The following FCGRT variants were observed in gnomAD, a reference collection of about 807,000 sequenced individuals.
The protein encoded by FCGRT is IgG receptor FcRn large subunit p51.
Under a neutral mutation model 35.7 loss-of-function variants are expected in FCGRT, and 13 were observed. That is an observed-to-expected ratio of 0.36 (90% confidence interval 0.24 to 0.58). The LOEUF (loss-of-function observed/expected upper bound fraction) is 0.58, where lower values mean the gene tolerates loss of function less well. FCGRT is among the 20% of genes least tolerant of loss of function. The pLI, the probability that FCGRT is intolerant of heterozygous loss-of-function variation, is 0.77. For missense variants in FCGRT, 455 were observed against 474.9 expected (o/e 0.96, Z 0.39); for synonymous variants, 233 against 216.5 (o/e 1.08, Z -0.67).
intron 4 of FCGRT, among the ~76,000 whole-genome samples, chr19:49,518,699 A>G (rs1183539341): frequency 6.6e-6 from 1 of 151,822 alleles, no homozygotes; most frequent in Non-Finnish European, 1.5e-5. Context: ...ACGCCCTGCT[A>G]ATTTTTTGTA....
chr19:49,513,137 G>T (rs2079983170), intron 1 of FCGRT: 4 of 298,992 alleles, frequency 1.3e-5, no homozygotes, highest in Non-Finnish European at 1.8e-5. Flanking sequence ...GGGGCCTGAG[G>T]GGGGCGGAAG....
chr19:49,525,610 G>T (rs777883975), intron 6 of FCGRT, 37 bp downstream of exon 6: 1 of 1,430,006 alleles, frequency 7.0e-7, no homozygotes, highest in East Asian at 2.3e-5. Flanking sequence ...CTGAGAGAGG[G>T]ACAGAGACCC....
chr19:49,519,752 G>A (rs1192188936), intron 4 of FCGRT, among the ~76,000 whole-genome samples: 1 of 151,914 alleles, frequency 6.6e-6, no homozygotes, highest in African/African-American at 2.4e-5. Context: ...CACTGGATTC[G>A]GGTGTTGTTA....
At chr19:49,516,884 A>G (rs185842574) in intron 4 of FCGRT, among the ~76,000 whole-genome samples, 37 of 152,218 alleles carry the variant, frequency 2.4e-4, no homozygotes, top group Non-Finnish European at 4.1e-4. Context: ...AACCACACTT[A>G]AGTAGAAACA....
At position 49,525,586 on chromosome 19, in the gene FCGRT, G is replaced by A. The variant is rs758129958; in HGVS notation, c.988+13G>A. 3 of 1,561,222 alleles carry A rather than the reference G, an allele frequency of 1.9e-6. No individual in the cohort carries two copies. The highest frequency in any genetic ancestry group is 2.2e-5 in the East Asian group (1 of 44,612). On this transcript the variant is annotated intron_variant, in intron 6 of 6. Transcript: ENST00000221466. ...AGTGGGCTGCCAGGTGGGGGGCAGC[G>A]GGAGGAAGAGCCTCTGAGAGAGGGA...
At position 49,525,540 on chromosome 19, in the gene FCGRT, C is replaced by T. The variant is rs1248119064; in HGVS notation, c.955C>T (p.Leu319=). 5 of 1,613,262 alleles carry T rather than the reference C, an allele frequency of 3.1e-6. No homozygotes were observed. Among genetic ancestry groups the T allele is most frequent in the Non-Finnish European group, 4.2e-6 (5 of 1,179,876 alleles). Residue 319 remains leucine, a synonymous_variant, in exon 6 of 7, where the codon CTG becomes TTG. Transcript: ENST00000221466. ...LLTAAAVGGA[L]LWRRMRSGLP... is the part of the protein sequence containing the mutation. ...CACGGCAGCGGCTGTAGGAGGAGCT[C>T]TGTTGTGGAGAAGGATGAGGAGTGG...
chr19:49,513,528 C>T lies in FCGRT; in HGVS notation c.73+55C>T, dbSNP rs954954731. ...TGCAGGCGGGCGGCGGGAGGCGGCC[C>T]CAGGCAGGCAGGGGCGAAGCCAGCG... On this transcript the variant is annotated intron_variant, in intron 2 of 6. Transcript: ENST00000221466. The T allele has an allele frequency of 2.1e-4, 232 of 1,102,050 alleles. No individual in the cohort carries two copies. The African/African-American group carries it at 2.8e-3, about 14-fold the overall frequency. The allele number at this position is 1,102,050 out of a possible 1,614,324, so 68.3% of individuals were successfully genotyped here.
chr19:49,513,892 C>T lies in FCGRT; in HGVS notation c.84C>T (p.Leu28=), dbSNP rs751819145. The stretch of plus-strand genomic sequence containing the variant: ...TGTTTCTGTCTGCAGAAAGCCACCT[C>T]TCCCTCCTGTACCACCTTACCGCGG... The part of the protein sequence containing the change: ...LPGSLGAESH[L]SLLYHLTAVS... Residue 28 remains leucine, a synonymous_variant, in exon 3 of 7, where the codon CTC becomes CTT. Transcript: ENST00000221466. 6 of 1,599,516 alleles carry T rather than the reference C, an allele frequency of 3.8e-6. No homozygotes were observed. The highest frequency in any genetic ancestry group is 5.1e-6 in the Non-Finnish European group (6 of 1,171,480).
Position 49,525,283 on chromosome 19 carries a change from C to T in FCGRT, c.872-174C>T, listed in dbSNP as rs528598776. The T allele has an allele frequency of 3.1e-5, 20 of 643,396 alleles. No individual in the cohort carries two copies. The East Asian group carries it at 3.9e-4, about 13-fold the overall frequency. The allele number at this position is 643,396 out of a possible 1,614,324, so 39.9% of individuals were successfully genotyped here. On this transcript the variant is annotated intron_variant, in intron 5 of 6. Coordinates refer to ENST00000221466, the MANE Select transcript of FCGRT (RefSeq NM_001136019.3). ...CCGCTCGTGCTGTAGCTGGTTCTTACGTCCAACCTGGGGGCAGTCTGCCCA... is the reference window on the plus strand; with the variant it reads ...CCGCTCGTGCTGTAGCTGGTTCTTATGTCCAACCTGGGGGCAGTCTGCCCA...
At chr19:49,525,735 G>A (rs1051021894) in intron 6 of FCGRT, among the ~76,000 whole-genome samples, 162 bp downstream of exon 6, 2 of 151,520 alleles carry the variant, frequency 1.3e-5, no homozygotes, top group African/African-American at 4.9e-5. Flanking sequence ...AGAGAGAGGG[G>A]GACGGAGACA....
At position 49,513,247 on chromosome 19, in the gene FCGRT, C is replaced by A. The variant is rs1259007230; in HGVS notation, c.-14-140C>A. Reference sequence around the variant, plus strand: ...TTCAGGGGTGAAAGTTCTTCAGGTACGAGGAGGGCATTGTTGTCAGTCTGG... The same window carrying A: ...TTCAGGGGTGAAAGTTCTTCAGGTAAGAGGAGGGCATTGTTGTCAGTCTGG... On this transcript the variant is annotated intron_variant, in intron 1 of 6. Coordinates refer to ENST00000221466, the MANE Select transcript of FCGRT (RefSeq NM_001136019.3). 3 of 399,384 alleles carry A rather than the reference C, an allele frequency of 7.5e-6. No homozygotes were observed. The East Asian group carries it at 1.1e-4, about 14-fold the overall frequency. The allele number at this position is 399,384 out of a possible 1,614,324, so 24.7% of individuals were successfully genotyped here. A position where few individuals can be genotyped will look rare whatever the true frequency, so the allele number is the denominator to read the frequency against.
intron 2 of FCGRT, 81 bp from the exon 3 acceptor site, chr19:49,513,801 C>G: frequency 7.5e-6 from 7 of 930,896 alleles, no homozygotes; most frequent in South Asian, 1.7e-5. Flanking sequence ...ATAATAGATT[C>G]TTCTCCCTCC....
chr19:49,523,855 A>T (rs1490757397), intron 4 of FCGRT, among the ~76,000 whole-genome samples: 9 of 139,702 alleles, frequency 6.4e-5, no homozygotes, highest in Non-Finnish European at 6.2e-5. Flanking sequence ...GCAAGATTCC[A>T]TCTCAAAAAA....
intron 4 of FCGRT, among the ~76,000 whole-genome samples, chr19:49,517,416 G>A (rs1040217427): frequency 4.6e-5 from 7 of 151,874 alleles, no homozygotes; most frequent in East Asian, 1.9e-4. Flanking sequence ...ACTTGATCCC[G>A]GGAAGCAGAG....
Position 49,514,041 on chromosome 19 carries a change from A to T in FCGRT, c.233A>T (p.Asn78Ile). The T allele has an allele frequency of 6.2e-7, 1 of 1,612,036 alleles. No individual in the cohort carries two copies. Among genetic ancestry groups the T allele is most frequent in the Non-Finnish European group, 8.5e-7 (1 of 1,179,996 alleles). Residue 78 changes from asparagine to isoleucine, a missense_variant, in exon 3 of 7, where the codon AAC becomes ATC. Asn to Ile is a moderately radical substitution (Grantham distance 149). Around this residue, in one of 3 missense-constraint regions of FCGRT, gnomAD observed 136 missense variants for 158.9 expected, o/e 0.86. Coordinates refer to ENST00000221466, the MANE Select transcript of FCGRT (RefSeq NM_001136019.3). ...CCCTGTGGAGCTTGGGTCTGGGAAA[A>T]CCAGGTGTCCTGGTATTGGGAGAAA... ...AEPCGAWVWE[N>I]QVSWYWEKET...
At chr19:49,523,549 C>A (rs559997926) in intron 4 of FCGRT, among the ~76,000 whole-genome samples, 1 of 151,948 alleles carries the variant, frequency 6.6e-6, no homozygotes, top group East Asian at 1.9e-4. Context: ...GCCTGGGTGA[C>A]AGAGCGAGAC....
chr19:49,514,691 CTTTT>C (rs559894159), intron 4 of FCGRT, among the ~76,000 whole-genome samples: 1 of 137,002 alleles, frequency 7.3e-6, no homozygotes. Context: ...TCCTTGCCTT[CTTTT>C]TTTTTTTTTT....
In FCGRT at chr19:49,526,060, C is replaced by T; in HGVS notation, c.1039C>T (p.Pro347Ser). 6.2e-7 allele frequency: 1 copy of T among 1,613,822 alleles called. No homozygotes were observed. The highest frequency in any genetic ancestry group is 1.3e-5 in the African/African-American group (1 of 75,038). Reference sequence around the variant, plus strand: ...CGACACCGGGGTCCTCCTGCCCACCCCAGGGGAGGCCCAGGATGCTGATTT... The same window carrying T: ...CGACACCGGGGTCCTCCTGCCCACCTCAGGGGAGGCCCAGGATGCTGATTT... ...GDDTGVLLPT[P>S]GEAQDADLKD... Residue 347 changes from proline to serine, a missense_variant, in exon 7 of 7, where the codon CCA becomes TCA. Physicochemically the swap from Pro to Ser is moderately conservative, Grantham distance 74. This residue lies in a region of FCGRT where 312 missense variants were observed against 296.1 expected (regional missense o/e 1.05). Coordinates refer to ENST00000221466, the MANE Select transcript of FCGRT (RefSeq NM_001136019.3).
Position 49,525,469 on chromosome 19 carries a change from A to T in FCGRT, c.884A>T (p.Lys295Met), listed in dbSNP as rs775759872. ...TCTCTGGCTGCAGAATCTCCAGCCA[A>T]GTCCTCCGTGCTCGTGGTGGGAATC... ...PLRVELESPA[K>M]SSVLVVGIVI... The change falls in exon 6 of 7, where the codon AAG becomes ATG. Residue 295 changes from lysine (K) to methionine (M), a missense_variant. Lys to Met is a moderately conservative substitution (Grantham distance 95). Around this residue, in one of 3 missense-constraint regions of FCGRT, gnomAD observed 312 missense variants for 296.1 expected, o/e 1.05. Coordinates refer to ENST00000221466, the MANE Select transcript of FCGRT (RefSeq NM_001136019.3). 1.2e-6 allele frequency: 2 copies of T among 1,613,552 alleles called. No individual in the cohort carries two copies. The highest frequency in any genetic ancestry group is 8.5e-7 in the Non-Finnish European group (1 of 1,179,668).
Sources: allele counts gnomAD v4.1 joint callset (sites outside exome capture counted in the v4.1 genomes callset), GRCh38; gene constraint gnomAD v4.1.1; regional missense constraint gnomAD v4.1.1; transcripts MANE v1.5; gene names NCBI Gene and HGNC (gene_info 2026-07-23, HGNC 2026-07-21).